Variants in WDHD1 observed in about 807,000 individuals in gnomAD.
The protein encoded by WDHD1 is WD repeat and HMG-box DNA-binding protein 1.
In WDHD1, 111 loss-of-function variants were observed where a neutral mutation model predicts 135.4. The ratio of observed to expected loss-of-function variants is 0.82; its 90% CI spans 0.70 to 0.96. The LOEUF is 0.96. Among genes scored for constraint, WDHD1 ranks in the 40% least tolerant of loss-of-function variants. The pLI is 0.00. For synonymous variants in WDHD1, 434 were observed against 439.0 expected (o/e 0.99, Z 0.14); for missense variants, 1,351 against 1,336.3 (o/e 1.01, Z -0.17).
intron 15 of WDHD1, among the ~76,000 whole-genome samples, chr14:54,984,230 C>T (rs756839155): frequency 1.3e-5 from 2 of 152,200 alleles, no homozygotes; most frequent in South Asian, 2.1e-4. Context: ...TGCAGTGGCT[C>T]GCGCCTGTAA....
chr14:54,966,990 G>A (rs1196038097), intron 17 of WDHD1, among the ~76,000 whole-genome samples: 1 of 152,210 alleles, frequency 6.6e-6, no homozygotes, highest in Non-Finnish European at 1.5e-5. Flanking sequence ...GGCACAAAAT[G>A]TATGGAGGCA....
intron 2 of WDHD1, among the ~76,000 whole-genome samples, chr14:55,017,489 C>T (rs563027909): frequency 1.3e-5 from 2 of 152,076 alleles, no homozygotes; most frequent in African/African-American, 2.4e-5. Flanking sequence ...ATTACAGGCA[C>T]GCACCACCCA....
chr14:54,952,999 T>C (rs1253066501), intron 24 of WDHD1, among the ~76,000 whole-genome samples: 1 of 152,202 alleles, frequency 6.6e-6, no homozygotes, highest in Non-Finnish European at 1.5e-5. Context: ...GACTTAAATG[T>C]TAGATCTAAA....
intron 2 of WDHD1, among the ~76,000 whole-genome samples, chr14:55,021,830 A>T (rs1354060646): frequency 6.6e-6 from 1 of 152,232 alleles, no homozygotes; most frequent in Non-Finnish European, 1.5e-5. Context: ...ACGTCTGGAC[A>T]CAGTTTTCTC....
chr14:54,955,725 C>T, intron 23 of WDHD1, 31 bp from the exon 24 acceptor site: 1 of 1,457,630 alleles, frequency 6.9e-7, no homozygotes, highest in Non-Finnish European at 9.0e-7. Context: ...ACTGCAATAA[C>T]ATCTAGTATA....
At chr14:55,023,538 G>T (rs1231833332) in intron 2 of WDHD1, among the ~76,000 whole-genome samples, 7 of 152,176 alleles carry the variant, frequency 4.6e-5, no homozygotes, top group African/African-American at 1.7e-4. Context: ...CTTCTTAGGA[G>T]TATGTCCAGC....
rs923232136 is a variant in WDHD1, at chr14:54,990,345, C to A, written c.1341+868G>T. On this transcript the variant is annotated intron_variant, in intron 12 of 25. Transcript: ENST00000360586. Reference sequence around the variant, plus strand: ...AGGCGCGGTGGCTCACGCCTGTAATCCCAGCACTTTGGGAGGCCTAGGCAG... The same window carrying A: ...AGGCGCGGTGGCTCACGCCTGTAATACCAGCACTTTGGGAGGCCTAGGCAG... Among the ~76,000 whole-genome samples, 11 of 152,086 alleles carry A rather than the reference C, an allele frequency of 7.2e-5. No homozygotes were observed. In the East Asian group the frequency reaches 2.1e-3, roughly 29 times the overall value.
At chr14:54,956,386 C>G (rs976355281) in intron 23 of WDHD1, among the ~76,000 whole-genome samples, 8 of 152,042 alleles carry the variant, frequency 5.3e-5, no homozygotes, top group Non-Finnish European at 1.2e-4. Context: ...GCCTGTAATA[C>G]CAGCACTTTG....
At position 54,948,650 on chromosome 14, in the gene WDHD1, A is replaced by C. The variant is rs543154770; in HGVS notation, c.3051-4180T>G. Among the ~76,000 whole-genome samples the C allele has an allele frequency of 4.6e-5, 7 of 152,304 alleles. No individual in the cohort carries two copies. In the East Asian group the frequency reaches 1.2e-3, roughly 25 times the overall value. ...CCTGTCTGACAGCTTTGAAGAGAGTAGTGGTTCTCCCAGCACAGAGTTTGA... is the reference window on the plus strand; with the variant it reads ...CCTGTCTGACAGCTTTGAAGAGAGTCGTGGTTCTCCCAGCACAGAGTTTGA... On this transcript the variant is annotated intron_variant, in intron 24 of 25. Coordinates refer to ENST00000360586, the MANE Select transcript of WDHD1 (RefSeq NM_007086.4).
At chr14:55,011,105 C>A (rs1008846921) in intron 3 of WDHD1, among the ~76,000 whole-genome samples, 9 of 152,184 alleles carry the variant, frequency 5.9e-5, no homozygotes, top group Admixed American at 2.6e-4. Context: ...TTTTAAGCCA[C>A]CAACTTTGTG....
chr14:55,009,350 C>T (rs2042126305), intron 4 of WDHD1, among the ~76,000 whole-genome samples: 1 of 152,116 alleles, frequency 6.6e-6, no homozygotes, highest in African/African-American at 2.4e-5. Context: ...ATTCAACCAA[C>T]TATATTGTTT....
intron 7 of WDHD1, 49 bp downstream of exon 7, chr14:55,007,231 T>TTA (rs1555371802): frequency 4.2e-5 from 44 of 1,056,796 alleles, no homozygotes; most frequent in African/African-American, 3.9e-4. Context: ...CCATCTCTAA[T>TTA]AAAAAAAAAA....
chr14:54,987,437 C>T (rs370304514), intron 13 of WDHD1, 50 bp from the exon 14 acceptor site: 8 of 1,350,474 alleles, frequency 5.9e-6, no homozygotes, highest in African/African-American at 3.0e-5. Context: ...ATGATATTTA[C>T]ATATATATAT....
At chr14:54,988,537 T>C (rs1424982826) in intron 13 of WDHD1, among the ~76,000 whole-genome samples, 1 of 152,178 alleles carries the variant, frequency 6.6e-6, no homozygotes, top group Non-Finnish European at 1.5e-5. Flanking sequence ...CATTTTATTG[T>C]AAATAAATTA....
In WDHD1 at chr14:55,007,280, C is replaced by T. The variant is rs766006154; in HGVS notation, c.600G>A (p.Lys200=). 39 of 1,572,998 alleles carry T rather than the reference C, an allele frequency of 2.5e-5. No homozygotes were observed. The Admixed American group carries it at 4.2e-4, about 17-fold the overall frequency. Residue 200 remains lysine, a splice_region_variant and synonymous_variant, in exon 7 of 26, where the codon AAG becomes AAA. Transcript: ENST00000360586. ...CRLAWQPKSG[K]LLAIPVEKSV... ...GAAAAGAAAAATAAGAATCACTTAC[C>T]TTCCCACTTTTTGGCTGCCAAGCAA...
chr14:55,008,244 C>T lies in WDHD1; in HGVS notation c.504+72G>A, dbSNP rs2042105160. On this transcript the variant is annotated intron_variant, in intron 6 of 25. Transcript: ENST00000360586. ...AAAGAAAAGCAATTATTAATTTGGCCCAGTAATACGACATATAACAATTTA... is the reference window on the plus strand; with the variant it reads ...AAAGAAAAGCAATTATTAATTTGGCTCAGTAATACGACATATAACAATTTA... The T allele has an allele frequency of 2.1e-6, 3 of 1,404,212 alleles. No individual in the cohort carries two copies. The East Asian group carries it at 7.1e-5, about 33-fold the overall frequency. The allele number at this position is 1,404,212 out of a possible 1,614,324, so 87.0% of individuals were successfully genotyped here.
At position 54,941,654 on chromosome 14, in the gene WDHD1, C is replaced by T; in HGVS notation, c.3226G>A (p.Glu1076Lys). The T allele has an allele frequency of 6.2e-7, 1 of 1,613,856 alleles. No individual in the cohort carries two copies. ...ANKAKGETASEGTEAKKRKRV... is the reference protein window; with the variant it reads ...ANKAKGETASKGTEAKKRKRV... Reference sequence around the variant, plus strand: ...TTTCGCTTCTTTGCTTCAGTTCCTTCACTTGCCGTTTCTCCTTTGGCTTTG... The same window carrying T: ...TTTCGCTTCTTTGCTTCAGTTCCTTTACTTGCCGTTTCTCCTTTGGCTTTG... The change falls in exon 26 of 26, where the codon GAA (glutamate) becomes AAA (lysine). Residue 1076 changes from glutamate (E) to lysine (K), a missense_variant. Transcript: ENST00000360586.
chr14:54,978,804 T>C (rs2041569539), intron 16 of WDHD1, among the ~76,000 whole-genome samples: 1 of 152,152 alleles, frequency 6.6e-6, no homozygotes, highest in African/African-American at 2.4e-5. Flanking sequence ...CAGAAATAAC[T>C]GAATTCTGCT....
chr14:55,027,088 G>T lies in WDHD1; in HGVS notation c.-77C>A, dbSNP rs1289216359. 2.6e-6 allele frequency: 1 copy of T among 383,368 alleles called. No individual in the cohort carries two copies. The highest frequency in any genetic ancestry group is 2.8e-5 in the South Asian group (1 of 35,788). The allele number at this position is 383,368 out of a possible 1,614,324, so 23.7% of individuals were successfully genotyped here. A position where few individuals can be genotyped will look rare whatever the true frequency, so the allele number is the denominator to read the frequency against. ...AGAGCTGCTTCCCGCGCTTCGGCTCGCTCACCACACTGCGCCTGCGCCGAC... is the reference window on the plus strand; with the variant it reads ...AGAGCTGCTTCCCGCGCTTCGGCTCTCTCACCACACTGCGCCTGCGCCGAC... On this transcript the variant is annotated 5_prime_UTR_variant, in exon 1 of 26. Coordinates refer to ENST00000360586, the MANE Select transcript of WDHD1 (RefSeq NM_007086.4).
Sources: allele counts gnomAD v4.1 joint callset (sites outside exome capture counted in the v4.1 genomes callset), GRCh38; gene constraint gnomAD v4.1.1; transcripts MANE v1.5; gene names NCBI Gene and HGNC (gene_info 2026-07-23, HGNC 2026-07-21).